The following SYT1 variants were observed in gnomAD, a reference collection of about 807,000 sequenced individuals.
The protein encoded by SYT1 is synaptotagmin 1, also known as synaptotagmin-1.
A neutral mutation model predicts 44.8 loss-of-function variants in SYT1; 8 were observed. That is an observed-to-expected ratio of 0.18 (90% CI 0.10 to 0.32). SYT1 has a LOEUF of 0.32. Ranked by LOEUF, SYT1 falls within the 10% of genes least tolerant of loss-of-function variation. The pLI is 1.00. For synonymous variants in SYT1, 154 were observed against 188.8 expected, an observed-to-expected ratio of 0.82 and a Z score of 1.51; for missense variants, 286 against 509.3, an observed-to-expected ratio of 0.56 and a Z score of 4.22.
chr12:79,344,378 A>G lies in SYT1; in HGVS notation c.811-9124A>G, dbSNP rs1033155976. On this transcript the variant is annotated intron_variant, in intron 8 of 10. Coordinates refer to ENST00000261205, the MANE Select transcript of SYT1 (RefSeq NM_005639.3). ...GTACCCAATAAATATCAGTTATACC[A>G]AAAAATAGTGAATGAATACACATGG... Among the ~76,000 whole-genome samples, 3 of 152,198 alleles carry G rather than the reference A, an allele frequency of 2.0e-5. No homozygotes were observed. In the South Asian group the frequency reaches 6.2e-4, roughly 32 times the overall value.
chr12:79,415,066 T>C (rs1371961750), intron 9 of SYT1, among the ~76,000 whole-genome samples: 1 of 152,150 alleles, frequency 6.6e-6, no homozygotes, highest in Non-Finnish European at 1.5e-5. Flanking sequence ...CCATTTTATT[T>C]ATTTATTTAT....
intron 2 of SYT1, among the ~76,000 whole-genome samples, chr12:79,035,949 C>A (rs201383996): frequency 1.6e-3 from 211 of 128,236 alleles, no homozygotes; most frequent in East Asian, 4.1e-3. Flanking sequence ...AACAAACAAA[C>A]AAAAAAAAAA....
chr12:79,406,883 A>G lies in SYT1; in HGVS notation c.929-37190A>G, dbSNP rs574672471. Among the ~76,000 whole-genome samples the G allele has an allele frequency of 5.4e-4, 82 of 152,170 alleles. 1 individual carries two copies. Among genetic ancestry groups the G allele is most frequent in the African/African-American group, 1.9e-3 (80 of 41,534 alleles). On this transcript the variant is annotated intron_variant, in intron 9 of 10. Coordinates refer to ENST00000261205, the MANE Select transcript of SYT1 (RefSeq NM_005639.3). ...CCCTCCCGGAATGTCTGCTATTTTT[A>G]TTACTGCAGCCATTATTATTCTGGT...
At chr12:79,127,499 T>A (rs1319457851) in intron 3 of SYT1, among the ~76,000 whole-genome samples, 1 of 152,252 alleles carries the variant, frequency 6.6e-6, no homozygotes, top group Non-Finnish European at 1.5e-5. Flanking sequence ...ACTTACTTAA[T>A]GTTTCTAAAG....
intron 3 of SYT1, among the ~76,000 whole-genome samples, chr12:79,108,409 A>G (rs1487140652): frequency 6.6e-6 from 1 of 152,026 alleles, no homozygotes; most frequent in East Asian, 1.9e-4. Flanking sequence ...AAATATTATC[A>G]GGTAATTGGC....
chr12:79,287,100 A>G (rs1879350268), intron 5 of SYT1, among the ~76,000 whole-genome samples: 1 of 152,070 alleles, frequency 6.6e-6, no homozygotes, highest in Admixed American at 6.6e-5. Context: ...TCCCCTTCCC[A>G]GCTTCAGTTT....
At chr12:79,443,980 T>G in intron 9 of SYT1, 93 bp from the exon 10 acceptor site, 1 of 1,340,796 alleles carries the variant, frequency 7.5e-7, no homozygotes, top group South Asian at 1.4e-5. Flanking sequence ...ATATAATTAT[T>G]TACCTGTGGG....
intron 3 of SYT1, among the ~76,000 whole-genome samples, chr12:79,209,340 A>G (rs912461811): frequency 6.6e-6 from 1 of 152,118 alleles, no homozygotes; most frequent in African/African-American, 2.4e-5. Flanking sequence ...TTTTTTTCCA[A>G]AAATATTTCA....
rs183359074 is a variant in SYT1, at chr12:79,328,421, C to T, written c.811-25081C>T. ...TAAGATGATATTACATCCTTTTTTA[C>T]CCCACCACAACTTGTTTTAATGTTT... On this transcript the variant is annotated intron_variant, in intron 8 of 10. Coordinates refer to ENST00000261205, the MANE Select transcript of SYT1 (RefSeq NM_005639.3). Among the ~76,000 whole-genome samples, 479 of 152,188 alleles carry T rather than the reference C, an allele frequency of 3.1e-3. 2 individuals are homozygous for T. The highest frequency in any genetic ancestry group is 0.011 in the African/African-American group (448 of 41,550).
At chr12:79,308,509 A>AAAAG (rs770970548) in intron 8 of SYT1, among the ~76,000 whole-genome samples, 7 of 148,466 alleles carry the variant, frequency 4.7e-5, no homozygotes, top group Non-Finnish European at 8.9e-5. Flanking sequence ...AAACTCCGTC[A>AAAAG]AAAGAAAGAA....
intron 1 of SYT1, among the ~76,000 whole-genome samples, chr12:78,965,301 T>G (rs1028819943): frequency 6.6e-6 from 1 of 152,178 alleles, no homozygotes; most frequent in African/African-American, 2.4e-5. Context: ...AAATGCTAGT[T>G]GCCATTTTAT....
chr12:79,308,608 AAGAAAAAGAAAG>A (rs1289475647), intron 8 of SYT1, among the ~76,000 whole-genome samples: 39 of 59,096 alleles, frequency 6.6e-4, no homozygotes, highest in South Asian at 1.6e-3. Flanking sequence ...GAAAGAAAGA[AAGAAAAAGAAAG>A]AAAGAAAGAA....
chr12:79,121,196 G>A lies in SYT1; in HGVS notation c.-18+73834G>A, dbSNP rs191879325. Among the ~76,000 whole-genome samples the A allele has an allele frequency of 5.1e-3, 766 of 151,428 alleles. 5 individuals are homozygous for A. Among genetic ancestry groups the A allele is most frequent in the Middle Eastern group, 0.01 (3 of 294 alleles). On this transcript the variant is annotated intron_variant, in intron 3 of 10. Coordinates refer to ENST00000261205, the MANE Select transcript of SYT1 (RefSeq NM_005639.3). ...TCTGGCAAACCCATTTTCCAATCAC[G>A]AGCATCCCATTGCCCACTTACACAC...
intron 2 of SYT1, among the ~76,000 whole-genome samples, chr12:79,015,134 C>T (rs905651089): frequency 6.6e-6 from 1 of 151,846 alleles, no homozygotes; most frequent in African/African-American, 2.4e-5. Context: ...ATGGGTGCAG[C>T]ACACCAGCAT....
At chr12:79,208,769 G>A (rs1022217682) in intron 3 of SYT1, among the ~76,000 whole-genome samples, 9 of 152,156 alleles carry the variant, frequency 5.9e-5, no homozygotes, top group African/African-American at 1.9e-4. Flanking sequence ...CCTCTTCAAT[G>A]TTTGTATTGT....
At chr12:79,366,655 C>T (rs80317902) in intron 9 of SYT1, among the ~76,000 whole-genome samples, 3 of 152,322 alleles carry the variant, frequency 2.0e-5, no homozygotes, top group East Asian at 3.9e-4. Context: ...AAGCCTGGAT[C>T]GGAAGCCTTT....
chr12:78,887,385 G>A (rs934729308), intron 1 of SYT1, among the ~76,000 whole-genome samples: 2 of 151,956 alleles, frequency 1.3e-5, no homozygotes, highest in Admixed American at 6.6e-5. Flanking sequence ...CTGGCAATTC[G>A]GATATGCCAA....
chr12:79,312,389 T>C (rs1880852285), intron 8 of SYT1, among the ~76,000 whole-genome samples: 1 of 152,244 alleles, frequency 6.6e-6, no homozygotes, highest in African/African-American at 2.4e-5. Context: ...AGTATGAACT[T>C]CTGATCCAGT....
chr12:78,887,574 G>T (rs868379008), intron 1 of SYT1, among the ~76,000 whole-genome samples: 2 of 151,882 alleles, frequency 1.3e-5, no homozygotes, highest in African/African-American at 4.8e-5. Context: ...TTGGTACTAG[G>T]CATAGTTTCA....
Sources: gnomAD v4.1 joint callset for allele counts (sites outside exome capture counted in the v4.1 genomes callset) on GRCh38, gnomAD v4.1.1 for gene constraint, MANE v1.5 for transcripts, NCBI Gene and HGNC (gene_info 2026-07-23, HGNC 2026-07-21) for gene names.